Variants in TTLL10 observed in about 807,000 individuals in gnomAD.
TTLL10 encodes the protein inactive polyglycylase TTLL10.
In TTLL10, 61 loss-of-function variants were observed where a neutral mutation model predicts 69.0. The ratio of observed to expected loss-of-function variants is 0.88; its 90% CI spans 0.72 to 1.09. The LOEUF is 1.09. Ranked by LOEUF, TTLL10 falls within the 50% of genes least tolerant of loss-of-function variation. The probability of loss-of-function intolerance (pLI) is 0.00; values close to 1 mark genes in which losing one functional copy is unlikely to be tolerated. For missense variants in TTLL10, 962 were observed against 945.9 expected, an observed-to-expected ratio of 1.02 and a Z score of -0.22; for synonymous variants, 408 against 393.3, an observed-to-expected ratio of 1.04 and a Z score of -0.44.
chr1:1,185,520 C>G lies in TTLL10; in HGVS notation c.1401+411C>G, dbSNP rs1647255302. ...AGCTGCCCGTGCAGGCCCGGACTCT[C>G]CCTAGCTAAGGGCCATGTGCGGTGG... On this transcript the variant is annotated intron_variant, in intron 13 of 15. Coordinates refer to ENST00000379289, the MANE Select transcript of TTLL10 (RefSeq NM_001130045.2). This position sits in a 1 kb window ranked among gnomAD's most constrained non-coding sequence, Gnocchi z 6.1. 1 of 1,034,684 alleles carries G rather than the reference C, an allele frequency of 9.7e-7. No individual in the cohort carries two copies. The highest frequency in any genetic ancestry group is 1.7e-5 in the African/African-American group (1 of 58,588). The allele number at this position is 1,034,684 out of a possible 1,614,324, so 64.1% of individuals were successfully genotyped here. A position where few individuals can be genotyped will look rare whatever the true frequency, so the allele number is the denominator to read the frequency against.
chr1:1,180,027 T>C lies in TTLL10; in HGVS notation c.200-7T>C. The C allele has an allele frequency of 6.6e-7, 1 of 1,521,474 alleles. No homozygotes were observed. 94.2% of individuals were successfully genotyped at this position (1,521,474 alleles called of 1,614,324 possible). On this transcript the variant is annotated splice_polypyrimidine_tract_variant and splice_region_variant and intron_variant, in intron 5 of 15. Transcript: ENST00000379289. ...GCCACCCCGGTGGGACCCCACCCCG[T>C]TCACAGGCCCGGCCCACGAGAGGCC...
chr1:1,176,428 G>C (rs1420872066), intron 3 of TTLL10: 1 of 454,662 alleles, frequency 2.2e-6, no homozygotes, highest in Non-Finnish European at 4.4e-6. Context: ...TCAGCTGCAA[G>C]CTCACAGCTG....
At chr1:1,179,513 G>C in intron 4 of TTLL10, 144 bp from the exon 5 acceptor site, 2 of 1,389,638 alleles carry the variant, frequency 1.4e-6, no homozygotes, top group Middle Eastern at 2.0e-4. Context: ...TGCAGGCACA[G>C]AGGGGAGCTG....
chr1:1,193,653 C>T (rs920202826), intron 13 of TTLL10, among the ~76,000 whole-genome samples: 3 of 151,796 alleles, frequency 2.0e-5, no homozygotes, highest in South Asian at 2.1e-4. Context: ...TTAGTAGAGA[C>T]GGGGTTTCAC....
chr1:1,180,194 C>T lies in TTLL10; in HGVS notation c.360C>T (p.His120=), dbSNP rs201647048. ...GACCCCCTGGGCTCCTGAACAGCCACCGGCCTGCAGACTCGGATGACACTA... is the reference window on the plus strand; with the variant it reads ...GACCCCCTGGGCTCCTGAACAGCCATCGGCCTGCAGACTCGGATGACACTA... ...TPGPPGLLNS[H]RPADSDDTNA... The change falls in exon 6 of 16, where the codon CAC becomes CAT. Residue 120 remains histidine (H), a synonymous_variant. Coordinates refer to ENST00000379289, the MANE Select transcript of TTLL10 (RefSeq NM_001130045.2). 172 of 1,611,332 alleles carry T rather than the reference C, an allele frequency of 1.1e-4. No individual in the cohort carries two copies. The East Asian group carries it at 3.8e-3, about 35-fold the overall frequency.
Position 1,179,496 on chromosome 1 carries a change from C to T in TTLL10, c.119-161C>T, listed in dbSNP as rs560847385. 2.2e-4 allele frequency: 285 copies of T among 1,314,854 alleles called. 4 individuals carry two copies. The highest frequency in any genetic ancestry group is 1.8e-3 in the Middle Eastern group (9 of 4,874). The allele number at this position is 1,314,854 out of a possible 1,614,324, so 81.4% of individuals were successfully genotyped here. A position where few individuals can be genotyped will look rare whatever the true frequency, so the allele number is the denominator to read the frequency against. On this transcript the variant is annotated intron_variant, in intron 4 of 15. Transcript: ENST00000379289. ...CGAGAGAGGGGCCAGCTGTGGGCGC[C>T]GGGCTCTGCAGGCACAGAGGGGAGC... is the stretch of plus-strand genomic sequence containing the variant.
chr1:1,192,061 T>C (rs1460655529), intron 13 of TTLL10, among the ~76,000 whole-genome samples: 1 of 152,240 alleles, frequency 6.6e-6, no homozygotes, highest in Admixed American at 6.5e-5. Context: ...ATGGCCAGTC[T>C]TGGGGCCAGT....
chr1:1,179,136 C>T, intron 3 of TTLL10, 53 bp from the exon 4 acceptor site: 1 of 1,279,944 alleles, frequency 7.8e-7, no homozygotes, highest in Non-Finnish European at 1.1e-6. Flanking sequence ...GCACTGGGGC[C>T]TCGGGCCGCG....
At chr1:1,194,038 C>T (rs1648027811) in intron 13 of TTLL10, among the ~76,000 whole-genome samples, 1 of 152,042 alleles carries the variant, frequency 6.6e-6, no homozygotes, top group Admixed American at 6.6e-5. Context: ...CTGTAGTCCT[C>T]CTAGCTATTT....
At position 1,193,506 on chromosome 1, in the gene TTLL10, C is replaced by G. The variant is rs376260967; in HGVS notation, c.1402-3094C>G. 1.1e-3 allele frequency among the ~76,000 whole-genome samples: 172 copies of G among 151,280 alleles called. 1 individual carries two copies. In the South Asian group the frequency reaches 0.034, roughly 30 times the overall value. ...GAAACGGAGTTTCGCTCTTGTTGCC[C>G]AGGCTGGAGTGCAGTGGCGTGATCT... On this transcript the variant is annotated intron_variant, in intron 13 of 15. Transcript: ENST00000379289.
intron 13 of TTLL10, among the ~76,000 whole-genome samples, chr1:1,188,277 A>C (rs1647490773): frequency 6.6e-6 from 1 of 152,068 alleles, no homozygotes; most frequent in Admixed American, 6.6e-5. Context: ...TGAAATTGGG[A>C]TATGTGAGTC....
rs985975761 is a variant in TTLL10, at chr1:1,173,885, T to C, written c.-172T>C. 1 of 152,216 alleles carries C rather than the reference T, an allele frequency of 6.6e-6. No individual in the cohort carries two copies. Among genetic ancestry groups the C allele is most frequent in the Non-Finnish European group, 1.5e-5 (1 of 68,042 alleles). 9.4% of individuals were successfully genotyped at this position (152,216 alleles called of 1,614,324 possible). A position where few individuals can be genotyped will look rare whatever the true frequency, so the allele number is the denominator to read the frequency against. On this transcript the variant is annotated 5_prime_UTR_variant, in exon 1 of 16. Transcript: ENST00000379289. The surrounding 1 kb of genome is among the most constrained non-coding windows in gnomAD (Gnocchi z 4.1). ...GAGACGGTTGCCAGGTCACCACTGT[T>C]GTTTCCTGGCCCAGGCTCCCAGGAC... is the stretch of plus-strand genomic sequence containing the variant.
At chr1:1,180,009 C>CG in intron 5 of TTLL10, 25 bp from the exon 6 acceptor site, 1 of 1,497,874 alleles carries the variant, frequency 6.7e-7, no homozygotes, top group South Asian at 1.4e-5. Context: ...GTAGCCACCC[C>CG]GGTGGGACCC....
chr1:1,175,821 G>A (rs1010240880), intron 3 of TTLL10: 54 of 397,214 alleles, frequency 1.4e-4, no homozygotes, highest in Non-Finnish European at 2.0e-4. Context: ...GGCTGCCACC[G>A]TGCAGGTGGA....
At chr1:1,190,815 A>AT (rs1228531947) in intron 13 of TTLL10, among the ~76,000 whole-genome samples, 2 of 151,874 alleles carry the variant, frequency 1.3e-5, no homozygotes, top group African/African-American at 2.4e-5. Flanking sequence ...GTCTCAAAGT[A>AT]TTTTTATTTT....
At chr1:1,179,891 C>T (rs569362626) in intron 5 of TTLL10, 143 bp from the exon 6 acceptor site, 18 of 1,437,798 alleles carry the variant, frequency 1.3e-5, no homozygotes, top group South Asian at 1.0e-4. Flanking sequence ...GGCCAGAGCT[C>T]GGGCTGAACT....
rs114390380 is a variant in TTLL10, at chr1:1,180,168, G to A, written c.334G>A (p.Gly112Arg). The change falls in exon 6 of 16, where the codon GGA becomes AGA. Residue 112 changes from glycine (G) to arginine (R), a missense_variant. Coordinates refer to ENST00000379289, the MANE Select transcript of TTLL10 (RefSeq NM_001130045.2). ...GGCAGAAAGAGCCTCTGCCACACCC[G>A]GACCCCCTGGGCTCCTGAACAGCCA... ...EGAERASATP[G>R]PPGLLNSHRP... 37,027 of 1,610,980 alleles carry A rather than the reference G, an allele frequency of 0.023. 549 individuals are homozygous for A. Among genetic ancestry groups the A allele is most frequent in the Non-Finnish European group, 0.029 (33,765 of 1,179,254 alleles).
In TTLL10 at chr1:1,181,852, G is replaced by A. The variant is rs780255214; in HGVS notation, c.830+37G>A. 26 of 1,563,854 alleles carry A rather than the reference G, an allele frequency of 1.7e-5. No individual in the cohort carries two copies. The highest frequency in any genetic ancestry group is 3.7e-5 in the Admixed American group (2 of 53,478). On this transcript the variant is annotated intron_variant, in intron 9 of 15. Transcript: ENST00000379289. This position sits in a 1 kb window ranked among gnomAD's most constrained non-coding sequence, Gnocchi z 4.6. ...CCAGCTGTGAGGGGCCCTTCAGACC[G>A]AAGTTCAGACCTAAACCTGGTGTCG...
intron 13 of TTLL10, among the ~76,000 whole-genome samples, chr1:1,189,860 C>G (rs1420086163): frequency 6.6e-6 from 1 of 152,078 alleles, no homozygotes; most frequent in Non-Finnish European, 1.5e-5. Context: ...TGCCTATAAT[C>G]CCAGCACTTT....
Sources: allele counts gnomAD v4.1 joint callset (sites outside exome capture counted in the v4.1 genomes callset), GRCh38; gene constraint gnomAD v4.1.1; non-coding constraint Gnocchi (gnomAD v3.1); transcripts MANE v1.5; gene names NCBI Gene and HGNC (gene_info 2026-07-23, HGNC 2026-07-21).